DNER: variants seen among roughly 807,000 people sequenced by gnomAD.
DNER encodes delta and Notch-like epidermal growth factor-related receptor.
Under a neutral mutation model 78.2 loss-of-function variants are expected in DNER, and 33 were observed. The observed-to-expected ratio is 0.42, with a 90% CI of 0.32 to 0.56. The LOEUF is 0.56. DNER is among the 20% of genes least tolerant of loss of function. DNER has a pLI of 0.11. For synonymous variants in DNER, 417 were observed against 384.8 expected (o/e 1.08, Z -0.98); for missense variants, 918 against 975.3 (o/e 0.94, Z 0.78).
At chr2:229,603,975 C>T (rs1280102206) in intron 1 of DNER, among the ~76,000 whole-genome samples, 1 of 152,124 alleles carries the variant, frequency 6.6e-6, no homozygotes, top group East Asian at 1.9e-4. Flanking sequence ...ACACAGATTC[C>T]AGAGTGACTC....
At chr2:229,587,110 G>A (rs1697516545) in intron 3 of DNER, 1 of 507,016 alleles carries the variant, frequency 2.0e-6, no homozygotes, top group Admixed American at 6.4e-5. Context: ...CGAGATAGAA[G>A]ACCAGAAAAT....
intron 11 of DNER, among the ~76,000 whole-genome samples, chr2:229,381,431 G>A (rs1370801301): frequency 2.0e-5 from 3 of 151,886 alleles, no homozygotes; most frequent in African/African-American, 4.8e-5. Context: ...AGACAAAACC[G>A]TTCACTCCCC....
chr2:229,375,643 T>C (rs1455373438), intron 11 of DNER, among the ~76,000 whole-genome samples: 1 of 152,192 alleles, frequency 6.6e-6, no homozygotes, highest in Admixed American at 6.5e-5. Flanking sequence ...GAAATGCTCA[T>C]GAAAAGTTAA....
At chr2:229,656,442 G>A (rs1171411570) in intron 1 of DNER, among the ~76,000 whole-genome samples, 1 of 152,184 alleles carries the variant, frequency 6.6e-6, no homozygotes, top group African/African-American at 2.4e-5. Context: ...AGTGCAAGGT[G>A]AGGGGCAGAC....
At chr2:229,641,469 A>G (rs1477174555) in intron 1 of DNER, among the ~76,000 whole-genome samples, 2 of 152,148 alleles carry the variant, frequency 1.3e-5, no homozygotes, top group African/African-American at 4.8e-5. Flanking sequence ...CAAAAGAACA[A>G]TAGTTTCAAG....
At chr2:229,393,037 A>G (rs1442065582) in intron 10 of DNER, among the ~76,000 whole-genome samples, 5 of 152,232 alleles carry the variant, frequency 3.3e-5, no homozygotes, top group Non-Finnish European at 7.3e-5. Context: ...GTGAAATAAA[A>G]TATAAAAAAC....
intron 11 of DNER, among the ~76,000 whole-genome samples, chr2:229,370,011 C>T (rs747812140): frequency 1.3e-5 from 2 of 152,164 alleles, no homozygotes; most frequent in Non-Finnish European, 2.9e-5. Flanking sequence ...TGGAAATGAG[C>T]CTGTCTTTCC....
chr2:229,698,159 G>T (rs1296162254), intron 1 of DNER, among the ~76,000 whole-genome samples: 4 of 152,080 alleles, frequency 2.6e-5, no homozygotes, highest in Non-Finnish European at 4.4e-5. Context: ...GGCTGTGATT[G>T]CACTCCCACC....
chr2:229,633,808 C>T (rs1315132607), intron 1 of DNER, among the ~76,000 whole-genome samples: 3 of 152,172 alleles, frequency 2.0e-5, no homozygotes, highest in East Asian at 1.9e-4. Context: ...AAGAGAGGTG[C>T]GCTCCAGCCA....
intron 12 of DNER, among the ~76,000 whole-genome samples, chr2:229,363,243 C>T (rs527275604): frequency 1.6e-4 from 24 of 152,320 alleles, no homozygotes; most frequent in Non-Finnish European, 2.5e-4. Flanking sequence ...TCAGAATCAC[C>T]CGACACAGCC....
At chr2:229,582,780 C>G (rs1209015518) in intron 4 of DNER, among the ~76,000 whole-genome samples, 2 of 152,032 alleles carry the variant, frequency 1.3e-5, no homozygotes, top group African/African-American at 4.8e-5. Flanking sequence ...GCTGGGACTA[C>G]AAGTGCCCAT....
chr2:229,631,278 C>T (rs1698429304), intron 1 of DNER, among the ~76,000 whole-genome samples: 1 of 151,710 alleles, frequency 6.6e-6, no homozygotes, highest in East Asian at 1.9e-4. Flanking sequence ...GACCAGCTAA[C>T]TTACGCATGG....
intron 1 of DNER, among the ~76,000 whole-genome samples, chr2:229,629,108 C>T (rs73093575): frequency 0.028 from 4,204 of 152,256 alleles, 207 homozygotes; most frequent in African/African-American, 0.097. Flanking sequence ...CTGTAGATTG[C>T]CATACCAAAT....
At chr2:229,659,803 T>C (rs902078526) in intron 1 of DNER, among the ~76,000 whole-genome samples, 2 of 152,178 alleles carry the variant, frequency 1.3e-5, no homozygotes, top group Non-Finnish European at 2.9e-5. Context: ...ATATTATGTA[T>C]GCATAATGTT....
rs1375714652 is a variant in DNER, at chr2:229,546,826, C to CAGATAGATAGATAGAT, written c.993+120_993+121insATCTATCTATCTATCT. On this transcript the variant is annotated intron_variant, in intron 5 of 12. Transcript: ENST00000341772. Reference sequence around the variant, plus strand: ...ATAGACAGACAGACAGACAGACAGACAGACAGATAGATAGATAGAGCAAGG... The same window carrying CAGATAGATAGATAGAT: ...ATAGACAGACAGACAGACAGACAGACAGATAGATAGATAGATAGACAGATAGATAGATAGAGCAAGG... 6 of 1,388,322 alleles carry CAGATAGATAGATAGAT rather than the reference C, an allele frequency of 4.3e-6. No individual in the cohort carries two copies. The African/African-American group carries it at 6.0e-5, about 14-fold the overall frequency. The allele number at this position is 1,388,322 out of a possible 1,614,324, so 86.0% of individuals were successfully genotyped here. A position where few individuals can be genotyped will look rare whatever the true frequency, so the allele number is the denominator to read the frequency against.
At chr2:229,609,401 C>A (rs1226737087) in intron 1 of DNER, among the ~76,000 whole-genome samples, 3 of 152,076 alleles carry the variant, frequency 2.0e-5, no homozygotes, top group Non-Finnish European at 4.4e-5. Flanking sequence ...TTGGAAAAAT[C>A]AAAAGAAGGT....
intron 9 of DNER, among the ~76,000 whole-genome samples, chr2:229,409,762 A>AG (rs1693467611): frequency 6.6e-6 from 1 of 152,278 alleles, no homozygotes; most frequent in East Asian, 1.9e-4. Context: ...ACAAAAGCTA[A>AG]TCTTCACAGA....
chr2:229,379,489 CCAG>C (rs1376050641), intron 11 of DNER, among the ~76,000 whole-genome samples: 3 of 152,128 alleles, frequency 2.0e-5, no homozygotes, highest in Non-Finnish European at 2.9e-5. Context: ...ATTATCATCA[CCAG>C]AAGAAGTAAA....
intron 9 of DNER, among the ~76,000 whole-genome samples, chr2:229,410,775 T>A (rs141653174): frequency 2.0e-5 from 3 of 152,314 alleles, no homozygotes; most frequent in African/African-American, 7.2e-5. Context: ...GTACACCAAT[T>A]ATAAGTCTTT....
Sources: gnomAD v4.1 joint callset for allele counts (sites outside exome capture counted in the v4.1 genomes callset) on GRCh38, gnomAD v4.1.1 for gene constraint, MANE v1.5 for transcripts, NCBI Gene and HGNC (gene_info 2026-07-23, HGNC 2026-07-21) for gene names.